Variants in ABCA7 observed in about 807,000 individuals in gnomAD.
The protein encoded by ABCA7 is ATP binding cassette subfamily A member 7, also known as phospholipid-transporting ATPase ABCA7.
A neutral mutation model predicts 227.6 loss-of-function variants in ABCA7; 261 were observed. The observed-to-expected ratio is 1.15, with a 90% CI of 1.04 to 1.27. The LOEUF (loss-of-function observed/expected upper bound fraction) is 1.27. Ranked by LOEUF, ABCA7 falls within the 50% of genes most tolerant of loss-of-function variation. The pLI is 0.00. For synonymous variants in ABCA7, 1,488 were observed against 1,279.7 expected (o/e 1.16, Z -3.47); for missense variants, 3,331 against 2,924.5 (o/e 1.14, Z -3.21).
intron 42 of ABCA7, 39 bp from the exon 43 acceptor site, chr19:1,063,505 A>G: frequency 2.5e-6 from 4 of 1,603,090 alleles, no homozygotes; most frequent in Non-Finnish European, 3.4e-6. Context: ...CATACTCATC[A>G]ATATGAGTCC....
intron 21 of ABCA7, 130 bp from the exon 22 acceptor site, chr19:1,051,812 T>C (rs1172724511): frequency 1.7e-5 from 22 of 1,310,216 alleles, no homozygotes; most frequent in Non-Finnish European, 2.3e-5. Context: ...AACAAGGAGG[T>C]TCTGGGGATG....
intron 23 of ABCA7, 31 bp downstream of exon 23, chr19:1,052,317 G>T (rs1289599483): frequency 1.3e-5 from 20 of 1,530,126 alleles, no homozygotes; most frequent in Non-Finnish European, 1.8e-5. Context: ...CCCAAGGCGG[G>T]TGGGCAGTGG....
rs573812498 is a variant in ABCA7, at chr19:1,041,946, G to A, written c.276G>A (p.Gly92=). Residue 92 remains glycine, a synonymous_variant, in exon 4 of 47, where the codon GGG becomes GGA. Transcript: ENST00000263094. ...AGCTGACACCGGGCGAGGAGCCCGGGCGCCTGAGCAACTTCAACGACTCCC... is the reference window on the plus strand; with the variant it reads ...AGCTGACACCGGGCGAGGAGCCCGGACGCCTGAGCAACTTCAACGACTCCC... The part of the protein sequence containing the change: ...FPQLTPGEEP[G]RLSNFNDSLV... 8 of 1,589,710 alleles carry A rather than the reference G, an allele frequency of 5.0e-6. No homozygotes were observed. The Middle Eastern group carries it at 6.7e-4, about 133-fold the overall frequency.
chr19:1,065,369 C>T lies in ABCA7; in HGVS notation c.6385C>T (p.Pro2129Ser), dbSNP rs2042981804. The change falls in exon 47 of 47, where the codon CCC becomes TCC. Residue 2129 changes from proline (P) to serine (S), a missense_variant. Pro to Ser is a moderately conservative substitution (Grantham distance 74). Coordinates refer to ENST00000263094, the MANE Select transcript of ABCA7 (RefSeq NM_019112.4). ...GGACCCCGCGCCAGGCCTGCAGCAC[C>T]CCAAACGCGTCAGCCAGTTCCTCGA... is the stretch of plus-strand genomic sequence containing the variant. ...GVDPAPGLQH[P>S]KRVSQFLDDP... is the part of the protein sequence containing the mutation. 1 of 1,613,574 alleles carries T rather than the reference C, an allele frequency of 6.2e-7. No individual in the cohort carries two copies.
intron 16 of ABCA7, among the ~76,000 whole-genome samples, chr19:1,048,502 AAAAAAAAC>A (rs1455650555): frequency 1.6e-5 from 2 of 126,404 alleles, no homozygotes; most frequent in African/African-American, 6.2e-5. Context: ...GTCTCAAAAA[AAAAAAAAC>A]AAAAAAAAAA....
chr19:1,064,541 G>T (rs1352734556), intron 45 of ABCA7: 2 of 506,256 alleles, frequency 4.0e-6, no homozygotes, highest in Non-Finnish European at 6.9e-6. Flanking sequence ...TGGATTGATG[G>T]GTGGAGTTAG....
At position 1,056,289 on chromosome 19, in the gene ABCA7, A is replaced by G; in HGVS notation, c.4417-41A>G. 6.2e-7 allele frequency: 1 copy of G among 1,603,492 alleles called. No individual in the cohort carries two copies. Among genetic ancestry groups the G allele is most frequent in the Non-Finnish European group, 8.5e-7 (1 of 1,174,046 alleles). ...TGGGCGTCCTGTCACAGCAAGGTCC[A>G]ACCCCATTGCTCTGACCCTATGACC... is the stretch of plus-strand genomic sequence containing the variant. On this transcript the variant is annotated intron_variant, in intron 32 of 46. Coordinates refer to ENST00000263094, the MANE Select transcript of ABCA7 (RefSeq NM_019112.4). The surrounding 1 kb of genome is among the most constrained non-coding windows in gnomAD (Gnocchi z 4.3).
In ABCA7 at chr19:1,041,583, C is replaced by A. The variant is rs753324760; in HGVS notation, c.140C>A (p.Pro47Gln). Residue 47 changes from proline to glutamine, a missense_variant, in exon 3 of 47, where the codon CCG becomes CAG. Transcript: ENST00000263094. Reference sequence around the variant, plus strand: ...CTGGTGGCTGTTCGCCACTCCCACCCGCCCCTGGAGCACCATGAATGTGAG... The same window carrying A: ...CTGGTGGCTGTTCGCCACTCCCACCAGCCCCTGGAGCACCATGAATGTGAG... ...FILVAVRHSH[P>Q]PLEHHECHFP... 2.0e-5 allele frequency: 33 copies of A among 1,612,500 alleles called. 1 individual carries two copies. The highest frequency in any genetic ancestry group is 6.6e-5 in the South Asian group (6 of 91,086).
In ABCA7 at chr19:1,046,266, C is replaced by G. The variant is rs1013086989; in HGVS notation, c.1482C>G (p.Thr494=). ...CTGGCCCAGCCGCGGACCCCCTGAC[C>G]GACCTGCGCTACGTGTGGGGCGGCT... is the stretch of plus-strand genomic sequence containing the variant. ...WDPGPAADPL[T]DLRYVWGGFV... Residue 494 remains threonine, a synonymous_variant, in exon 13 of 47, where the codon ACC becomes ACG. Transcript: ENST00000263094. 1 of 1,607,074 alleles carries G rather than the reference C, an allele frequency of 6.2e-7. No individual in the cohort carries two copies. The highest frequency in any genetic ancestry group is 1.7e-5 in the Admixed American group (1 of 59,978).
chr19:1,044,763 G>A lies in ABCA7; in HGVS notation c.1215+19G>A. 6.3e-7 allele frequency: 1 copy of A among 1,580,246 alleles called. No homozygotes were observed. Reference sequence around the variant, plus strand: ...GACGGAGGTGAGGGCCTGTCCACCTGCGGGGTCTGTTTCAGTGGGGAGGGC... The same window carrying A: ...GACGGAGGTGAGGGCCTGTCCACCTACGGGGTCTGTTTCAGTGGGGAGGGC... On this transcript the variant is annotated intron_variant, in intron 11 of 46. Coordinates refer to ENST00000263094, the MANE Select transcript of ABCA7 (RefSeq NM_019112.4).
In ABCA7 at chr19:1,056,532, C is replaced by G. The variant is rs760764518; in HGVS notation, c.4586+33C>G. The G allele has an allele frequency of 5.0e-6, 8 of 1,585,014 alleles. No individual in the cohort carries two copies. The highest frequency in any genetic ancestry group is 6.9e-6 in the Non-Finnish European group (8 of 1,164,214). ...CCTCCACCCTGCATGTCCTACCCTG[C>G]ACGTCCTACCCTGCCTCCATTTCTC... On this transcript the variant is annotated intron_variant, in intron 33 of 46. Coordinates refer to ENST00000263094, the MANE Select transcript of ABCA7 (RefSeq NM_019112.4). This position sits in a 1 kb window ranked among gnomAD's most constrained non-coding sequence, Gnocchi z 4.3.
Position 1,054,408 on chromosome 19 carries a change from A to C in ABCA7, c.3726+67A>C. The stretch of plus-strand genomic sequence containing the variant: ...AGTTCCCTACCCTGGCCGTCCACTC[A>C]GTGGCCTAATCCAAACCCTTACCCC... On this transcript the variant is annotated intron_variant, in intron 27 of 46. Coordinates refer to ENST00000263094, the MANE Select transcript of ABCA7 (RefSeq NM_019112.4). This position sits in a 1 kb window ranked among gnomAD's most constrained non-coding sequence, Gnocchi z 4.8. The C allele has an allele frequency of 6.4e-7, 1 of 1,555,138 alleles. No homozygotes were observed. Among genetic ancestry groups the C allele is most frequent in the Non-Finnish European group, 8.7e-7 (1 of 1,153,522 alleles).
chr19:1,064,641 G>A (rs2042921058), intron 45 of ABCA7: 1 of 536,972 alleles, frequency 1.9e-6, no homozygotes, highest in Non-Finnish European at 3.2e-6. Context: ...GGCGAAAGAG[G>A]AGTGTCCGAA....
At position 1,054,188 on chromosome 19, in the gene ABCA7, C is replaced by T. The variant is rs1167979716; in HGVS notation, c.3578-5C>T. On this transcript the variant is annotated splice_region_variant and splice_polypyrimidine_tract_variant and intron_variant, in intron 26 of 46. Transcript: ENST00000263094. The surrounding 1 kb of genome is among the most constrained non-coding windows in gnomAD (Gnocchi z 4.8). ...CGTGAGCACTGACCCTCTCATCCCT[C>T]ACAGCTGGGTCAGCCCCAGAGACTG... 2 of 1,610,154 alleles carry T rather than the reference C, an allele frequency of 1.2e-6. No individual in the cohort carries two copies. The highest frequency in any genetic ancestry group is 3.3e-5 in the Admixed American group (2 of 59,800).
chr19:1,057,510 G>A, intron 35 of ABCA7, 81 bp downstream of exon 35: 1 of 1,347,058 alleles, frequency 7.4e-7, no homozygotes, highest in Non-Finnish European at 1.1e-6. Context: ...ATAGAACTCT[G>A]CAGTGACTCC....
chr19:1,041,108 C>A (rs2039989044), intron 1 of ABCA7, 117 bp from the exon 2 acceptor site: 2 of 585,064 alleles, frequency 3.4e-6, no homozygotes. Context: ...GAGCGACAGT[C>A]CTGGCAGCCA....
chr19:1,051,854 A>G (rs1029939559), intron 21 of ABCA7, 88 bp from the exon 22 acceptor site: 3 of 1,519,782 alleles, frequency 2.0e-6, no homozygotes, highest in Non-Finnish European at 2.7e-6. Context: ...AGTTTGCTTC[A>G]TGGGGCAGAC....
At position 1,053,221 on chromosome 19, in the gene ABCA7, CTCTG is replaced by C. The variant is rs962295681; in HGVS notation, c.3221-103_3221-100del. The C allele has an allele frequency of 8.1e-5, 98 of 1,203,404 alleles. No homozygotes were observed. In the African/African-American group the frequency reaches 1.4e-3, roughly 17 times the overall value. The allele number at this position is 1,203,404 out of a possible 1,614,324, so 74.5% of individuals were successfully genotyped here. A position where few individuals can be genotyped will look rare whatever the true frequency, so the allele number is the denominator to read the frequency against. On this transcript the variant is annotated intron_variant, in intron 23 of 46. Transcript: ENST00000263094. ...CCTGGCCTACGTTCTTAACCCTGATCTCTGTCTGCCGGGACAGTCCCCTCACAGG... is the reference window on the plus strand; with the variant it reads ...CCTGGCCTACGTTCTTAACCCTGATCTCTGCCGGGACAGTCCCCTCACAGG...
rs183647172 is a variant in ABCA7 at position 1,052,716 on chromosome 19, G to A, written c.3220+430G>A. On this transcript the variant is annotated intron_variant, in intron 23 of 46. Transcript: ENST00000263094. ...GGGAGAGGAGGAGGAGGGAGAGGAG[G>A]GGGAGGAGAAGGAGAGGAGGAGGAG... Among the ~76,000 whole-genome samples the A allele has an allele frequency of 3.0e-3, 445 of 146,978 alleles. 1 individual carries two copies. Among genetic ancestry groups the A allele is most frequent in the African/African-American group, 9.8e-3 (390 of 39,660 alleles).
Sources: allele counts gnomAD v4.1 joint callset (sites outside exome capture counted in the v4.1 genomes callset), GRCh38; gene constraint gnomAD v4.1.1; non-coding constraint Gnocchi (gnomAD v3.1); transcripts MANE v1.5; gene names NCBI Gene and HGNC (gene_info 2026-07-23, HGNC 2026-07-21).